PPP1R18: variants seen among roughly 807,000 people sequenced by gnomAD.
PPP1R18 encodes phostensin.
A neutral mutation model predicts 54.8 loss-of-function variants in PPP1R18; 31 were observed. The observed-to-expected ratio is 0.57, with a 90% CI of 0.43 to 0.76. PPP1R18 has a LOEUF of 0.76. Ranked by LOEUF, PPP1R18 falls within the 30% of genes least tolerant of loss-of-function variation. PPP1R18 has a pLI of 0.00. For missense variants in PPP1R18, 685 were observed against 776.1 expected, an observed-to-expected ratio of 0.88 and a Z score of 1.39; for synonymous variants, 310 against 320.2, an observed-to-expected ratio of 0.97 and a Z score of 0.34.
chr6:30,680,856 C>T (rs971838590), intron 1 of PPP1R18, among the ~76,000 whole-genome samples: 12 of 151,960 alleles, frequency 7.9e-5, no homozygotes, highest in African/African-American at 1.9e-4. Context: ...GAGGCCGAGG[C>T]GGGCGGATCA....
At chr6:30,682,764 G>A (rs774366091) in intron 1 of PPP1R18, among the ~76,000 whole-genome samples, 1 of 152,020 alleles carries the variant, frequency 6.6e-6, no homozygotes, top group South Asian at 2.1e-4. Flanking sequence ...ATCTGCTTCC[G>A]GCTCCCCTGC....
At position 30,683,278 on chromosome 6, in the gene PPP1R18, C is replaced by T. The variant is rs1335323934; in HGVS notation, c.1611+1130G>A. On this transcript the variant is annotated intron_variant, in intron 1 of 2. Transcript: ENST00000274853. The surrounding 1 kb of genome is among the most constrained non-coding windows in gnomAD (Gnocchi z 5.1). ...GAGGGACTTCCTAAGTCTGAGATGT[C>T]TGAGTGTGGGACCTCTGTCTCCCTA... Among the ~76,000 whole-genome samples the T allele has an allele frequency of 6.6e-6, 1 of 152,210 alleles. No homozygotes were observed. Among genetic ancestry groups the T allele is most frequent in the Non-Finnish European group, 1.5e-5 (1 of 68,032 alleles).
At chr6:30,677,847 AAAATAAAT>A (rs10632278) in intron 2 of PPP1R18, among the ~76,000 whole-genome samples, 2 of 151,572 alleles carry the variant, frequency 1.3e-5, no homozygotes, top group Non-Finnish European at 2.9e-5. Flanking sequence ...ACGCTGTCTC[AAAATAAAT>A]AAATAAATAA....
rs1582987848 is a variant in PPP1R18 at position 30,677,004 on chromosome 6, C to T, written c.*265G>A. On this transcript the variant is annotated 3_prime_UTR_variant, in exon 3 of 3. Transcript: ENST00000274853. ...CTCCACCCTCCAGGGAGTTCTGTGC[C>T]CCTTCTCAGGACTTGGCGCTCACTC... The T allele has an allele frequency of 3.2e-6, 2 of 628,230 alleles. No homozygotes were observed. The highest frequency in any genetic ancestry group is 5.7e-6 in the Non-Finnish European group (2 of 350,982). 38.9% of individuals were successfully genotyped at this position (628,230 alleles called of 1,614,324 possible). A position where few individuals can be genotyped will look rare whatever the true frequency, so the allele number is the denominator to read the frequency against.
chr6:30,686,070 G>A lies in PPP1R18; in HGVS notation c.-52C>T. On this transcript the variant is annotated 5_prime_UTR_variant, in exon 1 of 3. Coordinates refer to ENST00000274853, the MANE Select transcript of PPP1R18 (RefSeq NM_133471.4). ...CACTGGGGACAGAGAACAGGAAGGAGAGGCTCCAGAGAGTGAGACAGCCCG... is the reference window on the plus strand; with the variant it reads ...CACTGGGGACAGAGAACAGGAAGGAAAGGCTCCAGAGAGTGAGACAGCCCG... 1 of 1,500,946 alleles carries A rather than the reference G, an allele frequency of 6.7e-7. No individual in the cohort carries two copies. Among genetic ancestry groups the A allele is most frequent in the Non-Finnish European group, 8.8e-7 (1 of 1,131,938 alleles). 93.0% of individuals were successfully genotyped at this position (1,500,946 alleles called of 1,614,324 possible).
At chr6:30,680,446 C>T (rs1770478462) in intron 1 of PPP1R18, among the ~76,000 whole-genome samples, 1 of 152,062 alleles carries the variant, frequency 6.6e-6, no homozygotes. Flanking sequence ...TTGGGGTCAG[C>T]CGTACATCCC....
Position 30,684,988 on chromosome 6 carries a change from C to A in PPP1R18, c.1031G>T (p.Trp344Leu). 1 of 1,613,116 alleles carries A rather than the reference C, an allele frequency of 6.2e-7. No homozygotes were observed. Among genetic ancestry groups the A allele is most frequent in the Non-Finnish European group, 8.5e-7 (1 of 1,179,958 alleles). ...WTLNSGKARE[W>L]TPRDIEAQTQ... Reference sequence around the variant, plus strand: ...TTGAGCCTCTATGTCCCTGGGTGTCCATTCTCGAGCCTTCCCGGAGTTCAG... The same window carrying A: ...TTGAGCCTCTATGTCCCTGGGTGTCAATTCTCGAGCCTTCCCGGAGTTCAG... Residue 344 changes from tryptophan to leucine, a missense_variant, in exon 1 of 3, where the codon TGG (tryptophan) becomes TTG (leucine). By Grantham distance (61) the Trp-to-Leu change is moderately conservative (BLOSUM62 -2). Transcript: ENST00000274853. The surrounding 1 kb of genome is among the most constrained non-coding windows in gnomAD (Gnocchi z 6.0).
At position 30,685,584 on chromosome 6, in the gene PPP1R18, A is replaced by G. The variant is rs751079837; in HGVS notation, c.435T>C (p.Ser145=). The G allele has an allele frequency of 2.5e-6, 4 of 1,612,560 alleles. No homozygotes were observed. Among genetic ancestry groups the G allele is most frequent in the African/African-American group, 2.7e-5 (2 of 74,738 alleles). ...KGRESREERL[S]PRETRERRLG... ...GCCTCCTCTCTCTGGTCTCCCTCGG[A>G]CTTAGTCTCTCTTCTCTTGACTCTC... Residue 145 remains serine (S), a synonymous_variant, in exon 1 of 3, where the codon AGT becomes AGC. Coordinates refer to ENST00000274853, the MANE Select transcript of PPP1R18 (RefSeq NM_133471.4). This position sits in a 1 kb window ranked among gnomAD's most constrained non-coding sequence, Gnocchi z 5.0.
At chr6:30,682,079 A>G (rs941509584) in intron 1 of PPP1R18, among the ~76,000 whole-genome samples, 2 of 152,172 alleles carry the variant, frequency 1.3e-5, no homozygotes, top group Non-Finnish European at 2.9e-5. Flanking sequence ...TTTTGGAATA[A>G]TAACCTCTGT....
Position 30,685,708 on chromosome 6 carries a change from C to CGTTGTT in PPP1R18, c.305_310dup (p.Gln102_Gln103dup). 6.2e-7 allele frequency: 1 copy of CGTTGTT among 1,613,082 alleles called. No individual in the cohort carries two copies. The highest frequency in any genetic ancestry group is 1.1e-5 in the South Asian group (1 of 91,082). Reference sequence around the variant, plus strand: ...TCTCTCTGCTAGCAGCTCTTCACTCCGTTGTTGTTGCTGCTGCTGCTGCTG... The same window carrying CGTTGTT: ...TCTCTCTGCTAGCAGCTCTTCACTCCGTTGTTGTTGTTGTTGCTGCTGCTGCTGCTG... On this transcript the variant is annotated inframe_insertion, in exon 1 of 3. Transcript: ENST00000274853. This position sits in a 1 kb window ranked among gnomAD's most constrained non-coding sequence, Gnocchi z 5.0.
chr6:30,686,131 G>T lies in PPP1R18; in HGVS notation c.-113C>A, dbSNP rs1195914134. 1 of 1,137,820 alleles carries T rather than the reference G, an allele frequency of 8.8e-7. No individual in the cohort carries two copies. The highest frequency in any genetic ancestry group is 2.3e-5 in the Admixed American group (1 of 42,988). The allele number at this position is 1,137,820 out of a possible 1,614,324, so 70.5% of individuals were successfully genotyped here. A position where few individuals can be genotyped will look rare whatever the true frequency, so the allele number is the denominator to read the frequency against. On this transcript the variant is annotated 5_prime_UTR_variant, in exon 1 of 3. Transcript: ENST00000274853. The stretch of plus-strand genomic sequence containing the variant: ...TGAGGGTGGGAGGAGAGGAAGTGGA[G>T]GGGGAGAGGTGGGACACAAAGCAGG...
At chr6:30,677,847 AAAAT>A (rs10632278) in intron 2 of PPP1R18, among the ~76,000 whole-genome samples, 8 of 151,680 alleles carry the variant, frequency 5.3e-5, no homozygotes, top group African/African-American at 1.2e-4. Flanking sequence ...ACGCTGTCTC[AAAAT>A]AAATAAATAA....
chr6:30,685,877 G>C lies in PPP1R18; in HGVS notation c.142C>G (p.Arg48Gly). 1 of 1,611,584 alleles carries C rather than the reference G, an allele frequency of 6.2e-7. No individual in the cohort carries two copies. The highest frequency in any genetic ancestry group is 8.5e-7 in the Non-Finnish European group (1 of 1,180,008). ...CCAGGGGACAGCCCAAGCTTGGCCC[G>C]GCGGCGCTCCAGGAGCCCTCGTTTC... Reference protein sequence around the residue: ...AWKRGLLERRRAKLGLSPGEP... With the variant: ...AWKRGLLERRGAKLGLSPGEP... The change falls in exon 1 of 3, where the codon CGG (arginine) becomes GGG (glycine). Residue 48 changes from arginine to glycine, a missense_variant. Arg to Gly is a moderately radical substitution (Grantham distance 125). Coordinates refer to ENST00000274853, the MANE Select transcript of PPP1R18 (RefSeq NM_133471.4). The surrounding 1 kb of genome is among the most constrained non-coding windows in gnomAD (Gnocchi z 5.0).
Position 30,676,951 on chromosome 6 carries a change from A to C in PPP1R18, c.*318T>G. The C allele has an allele frequency of 1.9e-6, 1 of 518,262 alleles. No individual in the cohort carries two copies. The highest frequency in any genetic ancestry group is 3.4e-6 in the Non-Finnish European group (1 of 292,054). The allele number at this position is 518,262 out of a possible 1,614,324, so 32.1% of individuals were successfully genotyped here. A position where few individuals can be genotyped will look rare whatever the true frequency, so the allele number is the denominator to read the frequency against. ...GGGAGGAAGGCTGTGGGGAGAGTGTACCCTGCCATGGGGGGCAGGTGCTCC... is the reference window on the plus strand; with the variant it reads ...GGGAGGAAGGCTGTGGGGAGAGTGTCCCCTGCCATGGGGGGCAGGTGCTCC... On this transcript the variant is annotated 3_prime_UTR_variant, in exon 3 of 3. Transcript: ENST00000274853.
At chr6:30,678,579 C>T (rs2127605250) in intron 2 of PPP1R18, among the ~76,000 whole-genome samples, 1 of 151,666 alleles carries the variant, frequency 6.6e-6, no homozygotes, top group African/African-American at 2.4e-5. Flanking sequence ...GGGGTTTCAC[C>T]GTGTTAGCCA....
chr6:30,680,558 G>A (rs1770486366), intron 1 of PPP1R18, among the ~76,000 whole-genome samples: 2 of 152,122 alleles, frequency 1.3e-5, no homozygotes, highest in African/African-American at 4.8e-5. Flanking sequence ...GTCAGGCATG[G>A]TGGCTCACAC....
chr6:30,679,873 G>A (rs977501143), intron 1 of PPP1R18, among the ~76,000 whole-genome samples: 3 of 152,106 alleles, frequency 2.0e-5, no homozygotes, highest in African/African-American at 4.8e-5. Flanking sequence ...GCTGGGGAGC[G>A]AGTCTCAGAC....
intron 1 of PPP1R18, among the ~76,000 whole-genome samples, chr6:30,680,743 C>T (rs1330498954): frequency 6.6e-6 from 1 of 152,072 alleles, no homozygotes; most frequent in Non-Finnish European, 1.5e-5. Context: ...TATGTTACTC[C>T]TTGTTGGCTC....
Position 30,677,129 on chromosome 6 carries a change from G to A in PPP1R18, c.*140C>T. 1 of 827,902 alleles carries A rather than the reference G, an allele frequency of 1.2e-6. No individual in the cohort carries two copies. Among genetic ancestry groups the A allele is most frequent in the Non-Finnish European group, 2.1e-6 (1 of 472,836 alleles). The allele number at this position is 827,902 out of a possible 1,614,324, so 51.3% of individuals were successfully genotyped here. A position where few individuals can be genotyped will look rare whatever the true frequency, so the allele number is the denominator to read the frequency against. On this transcript the variant is annotated 3_prime_UTR_variant, in exon 3 of 3. Transcript: ENST00000274853. ...CAATTGGCTCTGCCCCCAGAAACAGGGTGGGGAAAGCAAGTTACAAGATGT... is the reference window on the plus strand; with the variant it reads ...CAATTGGCTCTGCCCCCAGAAACAGAGTGGGGAAAGCAAGTTACAAGATGT...
Sources: gnomAD v4.1 joint callset for allele counts (sites outside exome capture counted in the v4.1 genomes callset) on GRCh38, gnomAD v4.1.1 for gene constraint, Gnocchi (gnomAD v3.1) non-coding constraint, MANE v1.5 for transcripts, NCBI Gene and HGNC (gene_info 2026-07-23, HGNC 2026-07-21) for gene names.